Variants in SH3BP4 observed in about 807,000 individuals in gnomAD.
SH3BP4 encodes the protein SH3 domain-binding protein 4.
In SH3BP4, 33 loss-of-function variants were observed where a neutral mutation model predicts 65.5. The ratio of observed to expected loss-of-function variants is 0.50; its 90% CI spans 0.38 to 0.67. The LOEUF (loss-of-function observed/expected upper bound fraction) is 0.67, where lower values mean the gene tolerates loss of function less well. SH3BP4 is among the 30% of genes least tolerant of loss of function. The pLI, the probability that SH3BP4 is intolerant of heterozygous loss-of-function variation, is 0.00. For synonymous variants in SH3BP4, 552 were observed against 545.5 expected (o/e 1.01, Z -0.17); for missense variants, 1,134 against 1,261.4 (o/e 0.90, Z 1.53).
rs559430584 is a variant in SH3BP4, at chr2:234,973,232, G to A, written c.-207+21062G>A. ...TGGTTTCACTGGCAGTGCTGACGTC[G>A]CCCACACACCATCCACCTGTGAGCC... On this transcript the variant is annotated intron_variant, in intron 1 of 5. Coordinates refer to ENST00000392011, the MANE Select transcript of SH3BP4 (RefSeq NM_014521.3). Among the ~76,000 whole-genome samples, 48 of 152,208 alleles carry A rather than the reference G, an allele frequency of 3.2e-4. 1 individual carries two copies. The highest frequency in any genetic ancestry group is 6.3e-4 in the African/African-American group (26 of 41,544).
In SH3BP4 at chr2:235,035,229, T is replaced by C; in HGVS notation, c.118+109T>C. 5 of 822,290 alleles carry C rather than the reference T, an allele frequency of 6.1e-6. No homozygotes were observed. The highest frequency in any genetic ancestry group is 1.0e-5 in the Non-Finnish European group (5 of 476,890). 50.9% of individuals were successfully genotyped at this position (822,290 alleles called of 1,614,324 possible). ...GATTGCCAGTTTAGCATTCAGATAG[T>C]TAAAGTTTAGTTCTTTAAACTTCAT... On this transcript the variant is annotated intron_variant, in intron 3 of 5. Coordinates refer to ENST00000392011, the MANE Select transcript of SH3BP4 (RefSeq NM_014521.3). This position sits in a 1 kb window ranked among gnomAD's most constrained non-coding sequence, Gnocchi z 5.0.
At chr2:235,016,409 C>G (rs1190160721) in intron 2 of SH3BP4, among the ~76,000 whole-genome samples, 1 of 152,176 alleles carries the variant, frequency 6.6e-6, no homozygotes, top group African/African-American at 2.4e-5. Context: ...GAACACTTTC[C>G]TCTGTGACTG....
chr2:235,046,981 C>A lies in SH3BP4; in HGVS notation c.2478+3734C>A, dbSNP rs910042330. On this transcript the variant is annotated intron_variant, in intron 4 of 5. Transcript: ENST00000392011. The surrounding 1 kb of genome is among the most constrained non-coding windows in gnomAD (Gnocchi z 4.2). The stretch of plus-strand genomic sequence containing the variant: ...TCAGAGCACCCCTCTGTCCTGGCCA[C>A]TTCTCTCCCACCAGAGCCTCTGTCC... 4.6e-5 allele frequency among the ~76,000 whole-genome samples: 7 copies of A among 152,196 alleles called. No individual in the cohort carries two copies. Among genetic ancestry groups the A allele is most frequent in the African/African-American group, 1.4e-4 (6 of 41,448 alleles).
chr2:234,975,675 A>C (rs1000833516), intron 1 of SH3BP4, among the ~76,000 whole-genome samples: 1 of 152,154 alleles, frequency 6.6e-6, no homozygotes, highest in Non-Finnish European at 1.5e-5. Context: ...CAGGAGTTCA[A>C]ATCCAGCCTG....
In SH3BP4 at chr2:235,035,193, T is replaced by C; in HGVS notation, c.118+73T>C. On this transcript the variant is annotated intron_variant, in intron 3 of 5. Coordinates refer to ENST00000392011, the MANE Select transcript of SH3BP4 (RefSeq NM_014521.3). The surrounding 1 kb of genome is among the most constrained non-coding windows in gnomAD (Gnocchi z 5.0). ...TTTCAAGTTGGGATCCAAGAACTTT[T>C]CTGCTTTAAAGATTGCCAGTTTAGC... 8.8e-7 allele frequency: 1 copy of C among 1,136,920 alleles called. No homozygotes were observed. The highest frequency in any genetic ancestry group is 2.3e-5 in the East Asian group (1 of 42,762). The allele number at this position is 1,136,920 out of a possible 1,614,324, so 70.4% of individuals were successfully genotyped here.
chr2:235,052,586 G>T lies in SH3BP4; in HGVS notation c.2503G>T (p.Gly835Cys). ...GGCCCTACTGAAGATGGACTGCCAGGGCCTGGTGGTCAGACTCATCCAGGA... is the reference window on the plus strand; with the variant it reads ...GGCCCTACTGAAGATGGACTGCCAGTGCCTGGTGGTCAGACTCATCCAGGA... ...VMALLKMDCQ[G>C]LVVRLIQDFV... is the part of the protein sequence containing the mutation. The change falls in exon 5 of 6, where the codon GGC becomes TGC. Residue 835 changes from glycine to cysteine, a missense_variant. Transcript: ENST00000392011. This position sits in a 1 kb window ranked among gnomAD's most constrained non-coding sequence, Gnocchi z 5.0. The T allele has an allele frequency of 6.4e-7, 1 of 1,551,846 alleles. No individual in the cohort carries two copies. The highest frequency in any genetic ancestry group is 2.4e-5 in the East Asian group (1 of 40,916).
At chr2:234,957,032 C>CT (rs898687909) in intron 1 of SH3BP4, among the ~76,000 whole-genome samples, 20 of 151,634 alleles carry the variant, frequency 1.3e-4, no homozygotes, top group African/African-American at 3.6e-4. Context: ...ATTTCTTTTT[C>CT]TTTTTTTTGA....
At chr2:235,038,319 T>TG (rs1695482671) in intron 3 of SH3BP4, among the ~76,000 whole-genome samples, 40 of 10,018 alleles carry the variant, frequency 4.0e-3, no homozygotes, top group African/African-American at 0.028. Context: ...ATATTATATA[T>TG]TATATATATA....
chr2:235,048,895 T>C (rs532817157), intron 4 of SH3BP4, among the ~76,000 whole-genome samples: 1 of 152,224 alleles, frequency 6.6e-6, no homozygotes, highest in Non-Finnish European at 1.5e-5. Context: ...ATCGAGTGTT[T>C]CCTGGTGTAC....
At position 234,978,348 on chromosome 2, in the gene SH3BP4, C is replaced by G. The variant is rs1693237384; in HGVS notation, c.-206-16955C>G. On this transcript the variant is annotated intron_variant, in intron 1 of 5. Coordinates refer to ENST00000392011, the MANE Select transcript of SH3BP4 (RefSeq NM_014521.3). The surrounding 1 kb of genome is among the most constrained non-coding windows in gnomAD (Gnocchi z 4.1). The stretch of plus-strand genomic sequence containing the variant: ...ATTCATTCATTCAACAAGTACCTGA[C>G]AGCCTGTACAGCAGTGGTGCCAGGT... Among the ~76,000 whole-genome samples, 1 of 152,204 alleles carries G rather than the reference C, an allele frequency of 6.6e-6. No homozygotes were observed. Among genetic ancestry groups the G allele is most frequent in the Non-Finnish European group, 1.5e-5 (1 of 68,038 alleles).
chr2:234,966,464 T>C (rs1404788369), intron 1 of SH3BP4, among the ~76,000 whole-genome samples: 1 of 152,224 alleles, frequency 6.6e-6, no homozygotes, highest in Non-Finnish European at 1.5e-5. Flanking sequence ...TATTTCACTT[T>C]CTTAATCCTC....
chr2:235,036,735 A>G (rs1695392752), intron 3 of SH3BP4, among the ~76,000 whole-genome samples: 1 of 143,624 alleles, frequency 7.0e-6, no homozygotes. Flanking sequence ...GAGACTCTAT[A>G]TAAAAAATAA....
chr2:234,978,086 G>T lies in SH3BP4; in HGVS notation c.-206-17217G>T, dbSNP rs1693227755. ...TTCTCCTGCCTCAGCCTCCCGAGTA[G>T]CTGGGATTACAGGCATGCGCCACCA... On this transcript the variant is annotated intron_variant, in intron 1 of 5. Transcript: ENST00000392011. This position sits in a 1 kb window ranked among gnomAD's most constrained non-coding sequence, Gnocchi z 4.1. Among the ~76,000 whole-genome samples, 1 of 152,142 alleles carries T rather than the reference G, an allele frequency of 6.6e-6. No homozygotes were observed.
chr2:234,985,777 G>C (rs190294976), intron 1 of SH3BP4, among the ~76,000 whole-genome samples: 273 of 152,276 alleles, frequency 1.8e-3, no homozygotes, highest in African/African-American at 6.4e-3. Context: ...CGAGCTCAAG[G>C]AGCACGGTGC....
intron 2 of SH3BP4, among the ~76,000 whole-genome samples, chr2:235,021,060 CT>C (rs762425069): frequency 1.1e-4 from 16 of 152,284 alleles, no homozygotes; most frequent in Non-Finnish European, 1.9e-4. Flanking sequence ...AGAGCTGAGT[CT>C]TTGTGACAGA....
At chr2:234,982,140 G>C (rs950533938) in intron 1 of SH3BP4, among the ~76,000 whole-genome samples, 1 of 152,132 alleles carries the variant, frequency 6.6e-6, no homozygotes, top group Admixed American at 6.6e-5. Flanking sequence ...CGATGTAACC[G>C]GCTGTTCTGG....
chr2:235,044,180 C>T (rs1300166962), intron 4 of SH3BP4, among the ~76,000 whole-genome samples: 3 of 152,176 alleles, frequency 2.0e-5, no homozygotes, highest in Admixed American at 2.0e-4. Context: ...GTTTCCACTT[C>T]CCCCTCTGTG....
chr2:235,010,467 T>TA (rs1238509548), intron 2 of SH3BP4, among the ~76,000 whole-genome samples: 10 of 152,272 alleles, frequency 6.6e-5, no homozygotes, highest in African/African-American at 2.4e-4. Flanking sequence ...ATTTGTGAAA[T>TA]AGAGGTCATA....
intron 1 of SH3BP4, among the ~76,000 whole-genome samples, chr2:234,993,185 G>A (rs866010942): frequency 2.6e-5 from 4 of 152,182 alleles, no homozygotes; most frequent in African/African-American, 4.8e-5. Context: ...CCCGGGGGTC[G>A]GTTTCTCGAA....
Sources: gnomAD v4.1 joint callset for allele counts (sites outside exome capture counted in the v4.1 genomes callset) on GRCh38, gnomAD v4.1.1 for gene constraint, Gnocchi (gnomAD v3.1) non-coding constraint, MANE v1.5 for transcripts, NCBI Gene and HGNC (gene_info 2026-07-23, HGNC 2026-07-21) for gene names.